The following CDH13 variants were observed in gnomAD, a reference collection of about 807,000 sequenced individuals.
The protein encoded by CDH13 is cadherin-13.
In CDH13, 24 loss-of-function variants were observed where a neutral mutation model predicts 63.8. The ratio of observed to expected loss-of-function variants is 0.38; its 90% CI spans 0.27 to 0.53. The LOEUF (loss-of-function observed/expected upper bound fraction) is 0.53, where lower values mean the gene tolerates loss of function less well. CDH13 is among the 20% of genes least tolerant of loss of function. CDH13 has a pLI of 0.85. For synonymous variants in CDH13, 503 were observed against 355.3 expected, an observed-to-expected ratio of 1.42 and a Z score of -4.67; for missense variants, 1,049 against 903.1, an observed-to-expected ratio of 1.16 and a Z score of -2.07.
chr16:82,774,804 C>G (rs1398309526), intron 1 of CDH13, among the ~76,000 whole-genome samples: 1 of 152,170 alleles, frequency 6.6e-6, no homozygotes, highest in East Asian at 1.9e-4. Context: ...TGAGAAGCCC[C>G]CTGGTCAGGG....
At position 82,659,813 on chromosome 16, in the gene CDH13, T is replaced by C. The variant is rs1466373824; in HGVS notation, c.45+32676T>C. ...TTGGGCAGGAAGATTGTGGTGAGGC[T>C]ATCCTGTGCATGGCAGGATGTCCAG... is the stretch of plus-strand genomic sequence containing the variant. On this transcript the variant is annotated intron_variant, in intron 1 of 13. Transcript: ENST00000567109. 2.0e-5 allele frequency among the ~76,000 whole-genome samples: 3 copies of C among 152,156 alleles called. No homozygotes were observed. The South Asian group carries it at 6.2e-4, about 32-fold the overall frequency.
rs572825392 is a variant in CDH13 at position 83,615,513 on chromosome 16, C to CT, written c.1101+12927dup. Among the ~76,000 whole-genome samples, 510 of 151,910 alleles carry CT rather than the reference C, an allele frequency of 3.4e-3. 6 individuals are homozygous for CT. Among genetic ancestry groups the CT allele is most frequent in the African/African-American group, 0.012 (489 of 41,394 alleles). ...AGCTATTATAGTGATATATGTGAGG[C>CT]TTTTTTTTCCTGATACTGTAAAATC... On this transcript the variant is annotated intron_variant, in intron 8 of 13. Coordinates refer to ENST00000567109, the MANE Select transcript of CDH13 (RefSeq NM_001257.5).
chr16:82,840,189 G>A lies in CDH13; in HGVS notation c.46-18173G>A, dbSNP rs142277994. On this transcript the variant is annotated intron_variant, in intron 1 of 13. Transcript: ENST00000567109. ...GACTGAATCTGTATTCAGATACACC[G>A]ATTTTGTTTGCTTTTAGTGGCAAGC... Among the ~76,000 whole-genome samples the A allele has an allele frequency of 6.4e-4, 98 of 152,122 alleles. No individual in the cohort carries two copies. In the Middle Eastern group the frequency reaches 0.01, roughly 16 times the overall value.
At chr16:82,770,049 C>T (rs958185723) in intron 1 of CDH13, among the ~76,000 whole-genome samples, 2 of 152,236 alleles carry the variant, frequency 1.3e-5, no homozygotes, top group South Asian at 2.1e-4. Flanking sequence ...GCTAATTTTG[C>T]CAGAGCTGGA....
intron 4 of CDH13, among the ~76,000 whole-genome samples, chr16:83,127,772 G>C (rs1320766067): frequency 6.6e-6 from 1 of 152,130 alleles, no homozygotes; most frequent in African/African-American, 2.4e-5. Context: ...CAAATTGAAA[G>C]AAGTGCTAAT....
chr16:83,153,936 T>C (rs1427576969), intron 4 of CDH13, among the ~76,000 whole-genome samples: 1 of 152,098 alleles, frequency 6.6e-6, no homozygotes, highest in Non-Finnish European at 1.5e-5. Flanking sequence ...AAGAATGAAG[T>C]TCAGTGCAAC....
At chr16:82,657,296 T>A (rs886431454) in intron 1 of CDH13, among the ~76,000 whole-genome samples, 2 of 152,218 alleles carry the variant, frequency 1.3e-5, no homozygotes, top group Admixed American at 1.3e-4. Context: ...AAAAGTTACA[T>A]GCATGTGGGC....
chr16:83,349,403 T>G (rs1202858783), intron 6 of CDH13, among the ~76,000 whole-genome samples: 1 of 152,108 alleles, frequency 6.6e-6, no homozygotes, highest in Non-Finnish European at 1.5e-5. Context: ...TGTTTTGCCC[T>G]CTGGTGGTTT....
chr16:82,713,983 G>T (rs1035128278), intron 1 of CDH13, among the ~76,000 whole-genome samples: 11 of 151,924 alleles, frequency 7.2e-5, no homozygotes, highest in African/African-American at 2.7e-4. Context: ...CACTCTTGTC[G>T]CCTAGGCTGG....
chr16:83,216,883 G>A (rs961816402), intron 4 of CDH13, among the ~76,000 whole-genome samples: 1 of 151,920 alleles, frequency 6.6e-6, no homozygotes, highest in Admixed American at 6.6e-5. Flanking sequence ...ACCATGCCTA[G>A]TACCTAGTAG....
chr16:82,874,751 A>T (rs2040450751), intron 2 of CDH13, among the ~76,000 whole-genome samples: 1 of 152,204 alleles, frequency 6.6e-6, no homozygotes, highest in African/African-American at 2.4e-5. Context: ...TTAGCACTGC[A>T]TTTTTCCATG....
At chr16:83,015,968 G>A (rs1480961841) in intron 2 of CDH13, among the ~76,000 whole-genome samples, 1 of 151,786 alleles carries the variant, frequency 6.6e-6, no homozygotes, top group African/African-American at 2.4e-5. Flanking sequence ...CTGCTGCATT[G>A]GCTTTTACTT....
chr16:83,525,423 G>T (rs986317855), intron 7 of CDH13, among the ~76,000 whole-genome samples: 1 of 152,122 alleles, frequency 6.6e-6, no homozygotes, highest in Non-Finnish European at 1.5e-5. Flanking sequence ...GCTGGAATTT[G>T]TAAACAGGTT....
At chr16:82,633,161 C>T (rs1249318092) in intron 1 of CDH13, among the ~76,000 whole-genome samples, 3 of 152,288 alleles carry the variant, frequency 2.0e-5, no homozygotes, top group South Asian at 2.1e-4. Context: ...AGGTTGGGAA[C>T]CCCTGCTCTA....
At chr16:82,686,978 C>G (rs967983641) in intron 1 of CDH13, among the ~76,000 whole-genome samples, 1 of 152,216 alleles carries the variant, frequency 6.6e-6, no homozygotes, top group Non-Finnish European at 1.5e-5. Context: ...TAAGCTCTTG[C>G]TTCGTTCAAT....
chr16:83,011,895 G>A (rs141957676), intron 2 of CDH13, among the ~76,000 whole-genome samples: 267 of 152,242 alleles, frequency 1.8e-3, no homozygotes, highest in African/African-American at 6.1e-3. Flanking sequence ...CAACTGTTTC[G>A]TTCATTACAG....
At chr16:83,327,178 A>T (rs79131725) in intron 5 of CDH13, among the ~76,000 whole-genome samples, 10,760 of 152,276 alleles carry the variant, frequency 0.071, 537 homozygotes, top group Non-Finnish European at 0.11. Context: ...CTTCATTTAC[A>T]TATGCTTATT....
chr16:82,937,614 C>T (rs971217444), intron 2 of CDH13, among the ~76,000 whole-genome samples: 21 of 152,218 alleles, frequency 1.4e-4, no homozygotes, highest in African/African-American at 5.1e-4. Flanking sequence ...TATTGCAAGC[C>T]AGTTGCAAAC....
intron 5 of CDH13, among the ~76,000 whole-genome samples, chr16:83,235,832 C>T (rs2040128060): frequency 6.6e-6 from 1 of 152,068 alleles, no homozygotes; most frequent in African/African-American, 2.4e-5. Flanking sequence ...GTGCATTTCT[C>T]AAAGACACTT....
Sources: gnomAD v4.1 joint callset for allele counts (sites outside exome capture counted in the v4.1 genomes callset) on GRCh38, gnomAD v4.1.1 for gene constraint, MANE v1.5 for transcripts, NCBI Gene and HGNC (gene_info 2026-07-23, HGNC 2026-07-21) for gene names.